Variants in POGLUT3 observed in about 807,000 individuals in gnomAD.
POGLUT3 encodes the protein KDEL (Lys-Asp-Glu-Leu) containing 2.
POGLUT3 carries 48 observed loss-of-function variants against 54.3 expected under a neutral mutation model. The ratio of observed to expected loss-of-function variants is 0.88; its 90% CI spans 0.70 to 1.12. POGLUT3 has a LOEUF of 1.12. Among genes scored for constraint, POGLUT3 ranks in the 50% most tolerant of loss-of-function variants. POGLUT3 has a pLI of 0.00. For missense variants in POGLUT3, 629 were observed against 618.7 expected, an observed-to-expected ratio of 1.02 and a Z score of -0.18; for synonymous variants, 218 against 237.4, an observed-to-expected ratio of 0.92 and a Z score of 0.75.
At position 108,479,323 on chromosome 11, in the gene POGLUT3, A is replaced by G. The variant is rs1266286853; in HGVS notation, c.1271T>C (p.Leu424Ser). Residue 424 changes from leucine (L) to serine (S), a missense_variant, in exon 6 of 8, where the codon TTA (leucine) becomes TCA (serine). Transcript: ENST00000323468. ...VPIKRNLSDL[L>S]EKVKWAKEND... The stretch of plus-strand genomic sequence containing the variant: ...TACCTTAGCCCATTTAACTTTCTCT[A>G]ATAAATCACTCAGATTTCTTTTAAT... The G allele has an allele frequency of 1.9e-6, 3 of 1,610,344 alleles. No individual in the cohort carries two copies. The highest frequency in any genetic ancestry group is 1.3e-5 in the African/African-American group (1 of 74,870).
intron 1 of POGLUT3, among the ~76,000 whole-genome samples, chr11:108,496,926 C>T (rs553627074): frequency 3.7e-4 from 56 of 152,358 alleles, no homozygotes; most frequent in Middle Eastern, 3.4e-3. Context: ...CGGTCTCCTA[C>T]GCCTCTGTGC....
At chr11:108,480,455 GT>G (rs2093590304) in intron 5 of POGLUT3, among the ~76,000 whole-genome samples, 1 of 152,052 alleles carries the variant, frequency 6.6e-6, no homozygotes, top group Non-Finnish European at 1.5e-5. Context: ...CCTTCTTTTT[GT>G]TTTTACAAAT....
chr11:108,475,454 G>GTTTTTTTTTTTTTTTTTTTTTTTTTTT (rs1182179068), intron 7 of POGLUT3, among the ~76,000 whole-genome samples: 2 of 109,350 alleles, frequency 1.8e-5, no homozygotes, highest in African/African-American at 7.3e-5. Flanking sequence ...TATAAATGGA[G>GTTTTTTTTTTTTTTTTTTTTTTTTTTT]TTTTTTTTGT....
chr11:108,496,572 C>T (rs557285131), intron 1 of POGLUT3, among the ~76,000 whole-genome samples: 5 of 151,038 alleles, frequency 3.3e-5, no homozygotes, highest in Admixed American at 6.6e-5. Flanking sequence ...TACACACATG[C>T]GTTTCTGTCA....
intron 2 of POGLUT3, among the ~76,000 whole-genome samples, chr11:108,488,048 G>A (rs9667983): frequency 0.014 from 2,059 of 151,830 alleles, 47 homozygotes; most frequent in African/African-American, 0.046. Flanking sequence ...TTTTGAGATG[G>A]AGTCTCACTG....
intron 1 of POGLUT3, among the ~76,000 whole-genome samples, chr11:108,494,144 AACTTGCCCAAGGTC>A (rs1473188084): frequency 6.6e-6 from 1 of 152,244 alleles, no homozygotes; most frequent in Non-Finnish European, 1.5e-5. Context: ...GAAATAAAGT[AACTTGCCCAAGGTC>A]ACATACATAA....
intron 2 of POGLUT3, among the ~76,000 whole-genome samples, chr11:108,487,975 A>T (rs1164835671): frequency 6.6e-6 from 1 of 152,052 alleles, no homozygotes. Flanking sequence ...CACCTGAAAC[A>T]ACCAGAAAAC....
intron 7 of POGLUT3, among the ~76,000 whole-genome samples, chr11:108,476,533 CTT>C (rs2093582123): frequency 1.3e-5 from 2 of 152,150 alleles, no homozygotes; most frequent in African/African-American, 2.4e-5. Context: ...AATAGTGTAA[CTT>C]ATCATTTTTA....
chr11:108,496,328 AAGG>A (rs1400831051), intron 1 of POGLUT3, among the ~76,000 whole-genome samples: 2 of 151,880 alleles, frequency 1.3e-5, no homozygotes, highest in African/African-American at 2.4e-5. Context: ...AAAAAAAAAA[AAGG>A]AGGAGGGGGG....
rs763796104 is a variant in POGLUT3 at position 108,479,354 on chromosome 11, C to A, written c.1240G>T (p.Val414Phe). ...YMALEPWKHY[V>F]PIKRNLSDLL... ...TCACTCAGATTTCTTTTAATTGGAA[C>A]ATAATGCTTCCAAGGTTCTAGTGCC... Residue 414 changes from valine to phenylalanine, a missense_variant, in exon 6 of 8, where the codon GTT becomes TTT. By Grantham distance (50) the Val-to-Phe change is conservative (BLOSUM62 -1). Coordinates refer to ENST00000323468, the MANE Select transcript of POGLUT3 (RefSeq NM_153705.5). 6.2e-7 allele frequency: 1 copy of A among 1,612,376 alleles called. No homozygotes were observed. Among genetic ancestry groups the A allele is most frequent in the Non-Finnish European group, 8.5e-7 (1 of 1,179,686 alleles).
At chr11:108,487,093 C>T (rs2093604924) in intron 2 of POGLUT3, 1 of 152,186 alleles carries the variant, frequency 6.6e-6, no homozygotes, top group Admixed American at 6.5e-5. Context: ...TATCATAAGC[C>T]CAGACATTCC....
In POGLUT3 at chr11:108,493,781, G is replaced by T. The variant is rs184231941; in HGVS notation, c.203-2614C>A. 5.7e-5 allele frequency among the ~76,000 whole-genome samples: 8 copies of T among 141,422 alleles called. No homozygotes were observed. The East Asian group carries it at 1.2e-3, about 22-fold the overall frequency. The allele number at this position is 141,422 out of a possible 152,430, so 92.8% of individuals were successfully genotyped here. ...ATCGCGCCACTGCACTCAAGCCTGG[G>T]CAACAAAGCTAGACTCTGTCTCAAA... On this transcript the variant is annotated intron_variant, in intron 1 of 7. Transcript: ENST00000323468.
intron 4 of POGLUT3, 100 bp downstream of exon 4, chr11:108,481,906 A>C (rs2093593414): frequency 1.1e-6 from 1 of 914,748 alleles, no homozygotes; most frequent in Non-Finnish European, 1.7e-6. Flanking sequence ...TTTCAGTACA[A>C]GACTTTTTCT....
chr11:108,484,558 A>T (rs755024635), intron 3 of POGLUT3, among the ~76,000 whole-genome samples: 12 of 152,212 alleles, frequency 7.9e-5, no homozygotes, highest in Middle Eastern at 3.2e-3. Context: ...CAGGAGTTTG[A>T]GACCACCCTG....
chr11:108,478,647 A>G (rs2093586838), intron 6 of POGLUT3, among the ~76,000 whole-genome samples: 1 of 152,196 alleles, frequency 6.6e-6, no homozygotes, highest in South Asian at 2.1e-4. Context: ...ATCTTCTACA[A>G]TGCTGCCCGC....
chr11:108,475,010 C>G, intron 7 of POGLUT3, 58 bp from the exon 8 acceptor site: 2 of 1,569,794 alleles, frequency 1.3e-6, no homozygotes, highest in South Asian at 2.3e-5. Context: ...TCTGTTGACT[C>G]CCCCACCCAC....
intron 1 of POGLUT3, among the ~76,000 whole-genome samples, chr11:108,496,155 T>G (rs1029769463): frequency 4.6e-5 from 7 of 152,086 alleles, no homozygotes; most frequent in African/African-American, 1.7e-4. Context: ...TAACAATGAT[T>G]CTTATATTTT....
chr11:108,472,784 T>C lies in POGLUT3; in HGVS notation c.*2043A>G, dbSNP rs2093572159. On this transcript the variant is annotated 3_prime_UTR_variant, in exon 8 of 8. Coordinates refer to ENST00000323468, the MANE Select transcript of POGLUT3 (RefSeq NM_153705.5). ...CAGTTTTGACAAGCCTCAAACACAA[T>C]GTACAATATTTAAGACACAAATTCA... is the stretch of plus-strand genomic sequence containing the variant. 6.6e-6 allele frequency: 1 copy of C among 152,184 alleles called. No homozygotes were observed. The highest frequency in any genetic ancestry group is 2.4e-5 in the African/African-American group (1 of 41,446). 9.4% of individuals were successfully genotyped at this position (152,184 alleles called of 1,614,324 possible).
At chr11:108,494,322 C>A (rs2093618440) in intron 1 of POGLUT3, among the ~76,000 whole-genome samples, 1 of 152,196 alleles carries the variant, frequency 6.6e-6, no homozygotes, top group Non-Finnish European at 1.5e-5. Flanking sequence ...GTTGACCCCA[C>A]ACGGTCAAGG....
Sources: gnomAD v4.1 joint callset for allele counts (sites outside exome capture counted in the v4.1 genomes callset) on GRCh38, gnomAD v4.1.1 for gene constraint, MANE v1.5 for transcripts, NCBI Gene and HGNC (gene_info 2026-07-23, HGNC 2026-07-21) for gene names.